The following RNF150 variants were observed in gnomAD, a reference collection of about 807,000 sequenced individuals.
The protein encoded by RNF150 is ring finger protein 150.
Under a neutral mutation model 39.3 loss-of-function variants are expected in RNF150, and 24 were observed. That is an observed-to-expected ratio of 0.61 (90% confidence interval 0.44 to 0.86). RNF150 has a LOEUF of 0.86. Among genes scored for constraint, RNF150 ranks in the 40% least tolerant of loss-of-function variants. The pLI is 0.00. For missense variants in RNF150, 502 were observed against 587.8 expected, an observed-to-expected ratio of 0.85 and a Z score of 1.51; for synonymous variants, 255 against 227.3, an observed-to-expected ratio of 1.12 and a Z score of -1.10.
chr4:141,083,598 A>G lies in RNF150; in HGVS notation c.484+48727T>C, dbSNP rs143404224. Among the ~76,000 whole-genome samples, 191 of 152,170 alleles carry G rather than the reference A, an allele frequency of 1.3e-3. 2 individuals carry two copies. The East Asian group carries it at 0.018, about 14-fold the overall frequency. ...CGTGAGTGTGAAGGGCAAAATGAGG[A>G]CCCTGATCAGTAGGAAACTGATGTC... On this transcript the variant is annotated intron_variant, in intron 1 of 6. Coordinates refer to ENST00000515673, the MANE Select transcript of RNF150 (RefSeq NM_020724.2).
chr4:140,969,226 G>A (rs1399326262), intron 1 of RNF150, among the ~76,000 whole-genome samples: 1 of 152,056 alleles, frequency 6.6e-6, no homozygotes, highest in Non-Finnish European at 1.5e-5. Context: ...GTTTCACTTA[G>A]GCTGAACAAC....
rs180777892 is a variant in RNF150 at position 140,975,570 on chromosome 4, G to T, written c.485-7697C>A. On this transcript the variant is annotated intron_variant, in intron 1 of 6. Transcript: ENST00000515673. Reference sequence around the variant, plus strand: ...TTTTTAAACCATTCTTTCTCAGGTGGTATCTACTCATTTGGTACTATCTTT... The same window carrying T: ...TTTTTAAACCATTCTTTCTCAGGTGTTATCTACTCATTTGGTACTATCTTT... 1.4e-4 allele frequency among the ~76,000 whole-genome samples: 21 copies of T among 152,144 alleles called. No individual in the cohort carries two copies. In the East Asian group the frequency reaches 3.9e-3, roughly 28 times the overall value.
intron 1 of RNF150, among the ~76,000 whole-genome samples, chr4:141,025,265 C>T (rs1216141852): frequency 6.6e-6 from 1 of 151,896 alleles, no homozygotes; most frequent in African/African-American, 2.4e-5. Context: ...CCAAATTGTA[C>T]CTGAAATGAT....
At chr4:141,044,328 A>G (rs1017402334) in intron 1 of RNF150, among the ~76,000 whole-genome samples, 3 of 152,228 alleles carry the variant, frequency 2.0e-5, no homozygotes, top group Non-Finnish European at 4.4e-5. Flanking sequence ...AACTGAGTTC[A>G]GTGGTACTTC....
At chr4:141,055,374 G>A (rs1736928074) in intron 1 of RNF150, among the ~76,000 whole-genome samples, 1 of 152,106 alleles carries the variant, frequency 6.6e-6, no homozygotes, top group Admixed American at 6.6e-5. Flanking sequence ...AGAGCAAAGT[G>A]ATAAAATGAT....
Position 140,884,598 on chromosome 4 carries a change from C to T in RNF150, c.1199-16219G>A, listed in dbSNP as rs906151084. On this transcript the variant is annotated intron_variant, in intron 6 of 6. Coordinates refer to ENST00000515673, the MANE Select transcript of RNF150 (RefSeq NM_020724.2). ...CAGTGTCTGCATCACTGAAGCCTTT[C>T]TGGTGCTTTGTAGCAAGCTGTGGTA... Among the ~76,000 whole-genome samples the T allele has an allele frequency of 4.6e-5, 7 of 152,298 alleles. No individual in the cohort carries two copies. The East Asian group carries it at 1.2e-3, about 25-fold the overall frequency.
intron 2 of RNF150, 101 bp from the exon 3 acceptor site, chr4:140,949,473 G>T: frequency 1.0e-6 from 1 of 959,076 alleles, no homozygotes; most frequent in Non-Finnish European, 1.6e-6. Context: ...CTGAAATCAT[G>T]CACATGTGGT....
At chr4:140,875,874 A>G (rs961942729) in intron 6 of RNF150, among the ~76,000 whole-genome samples, 3 of 152,154 alleles carry the variant, frequency 2.0e-5, no homozygotes, top group Non-Finnish European at 4.4e-5. Context: ...TCCTTCCCTG[A>G]ATGAGGTTTA....
At chr4:141,073,640 A>G (rs1275995203) in intron 1 of RNF150, among the ~76,000 whole-genome samples, 8 of 142,988 alleles carry the variant, frequency 5.6e-5, no homozygotes, top group Admixed American at 2.2e-4. Flanking sequence ...TAAGGTGGCC[A>G]GCAATTAATA....
At chr4:141,145,372 G>A (rs540518141) in intron 1 of RNF150, among the ~76,000 whole-genome samples, 1 of 152,250 alleles carries the variant, frequency 6.6e-6, no homozygotes, top group East Asian at 1.9e-4. Context: ...GCAAACTGTG[G>A]AATATTATGA....
At chr4:140,870,657 C>T (rs1302457329) in intron 6 of RNF150, among the ~76,000 whole-genome samples, 2 of 152,104 alleles carry the variant, frequency 1.3e-5, no homozygotes, top group Non-Finnish European at 2.9e-5. Flanking sequence ...CAGCACCACT[C>T]CACAGCACAG....
At chr4:141,183,605 T>C (rs1727949195) in intron 1 of RNF150, among the ~76,000 whole-genome samples, 1 of 152,180 alleles carries the variant, frequency 6.6e-6, no homozygotes, top group East Asian at 1.9e-4. Flanking sequence ...GTTATATATG[T>C]ATACATGTGC....
At chr4:141,159,683 C>T (rs988208154) in intron 1 of RNF150, among the ~76,000 whole-genome samples, 1 of 152,140 alleles carries the variant, frequency 6.6e-6, no homozygotes, top group Non-Finnish European at 1.5e-5. Context: ...GCTGGGACTA[C>T]AGCTGTATGT....
chr4:141,124,401 GAT>G (rs1368922893), intron 1 of RNF150, among the ~76,000 whole-genome samples: 2 of 152,288 alleles, frequency 1.3e-5, no homozygotes, highest in Admixed American at 6.5e-5. Flanking sequence ...GTGCCTTCCT[GAT>G]AAGATCACAT....
chr4:140,978,723 T>C (rs1296732063), intron 1 of RNF150, among the ~76,000 whole-genome samples: 2 of 152,128 alleles, frequency 1.3e-5, no homozygotes, highest in African/African-American at 4.8e-5. Context: ...GAATAAGGCA[T>C]TGTATTTAGA....
intron 6 of RNF150, among the ~76,000 whole-genome samples, chr4:140,882,584 A>G (rs4956336): frequency 0.98 from 149,727 of 152,280 alleles, 73,660 homozygotes; most frequent in East Asian, 1. Flanking sequence ...GTACATGTTT[A>G]CTTCATATAT....
chr4:141,053,880 T>G, intron 1 of RNF150: 1 of 411,442 alleles, frequency 2.4e-6, no homozygotes, highest in Non-Finnish European at 4.2e-6. Context: ...TGAAAATCTC[T>G]CACCAGGGAG....
intron 1 of RNF150, among the ~76,000 whole-genome samples, chr4:140,978,136 C>T (rs1733730580): frequency 6.6e-6 from 1 of 152,152 alleles, no homozygotes; most frequent in Non-Finnish European, 1.5e-5. Context: ...AACCAACTGA[C>T]TTGATTTCTC....
At chr4:140,934,616 A>G (rs1731767368) in intron 4 of RNF150, among the ~76,000 whole-genome samples, 1 of 152,102 alleles carries the variant, frequency 6.6e-6, no homozygotes, top group Non-Finnish European at 1.5e-5. Flanking sequence ...AACTTGGCTA[A>G]ATTTGATTTA....
Sources: allele counts gnomAD v4.1 joint callset (sites outside exome capture counted in the v4.1 genomes callset), GRCh38; gene constraint gnomAD v4.1.1; transcripts MANE v1.5; gene names NCBI Gene and HGNC (gene_info 2026-07-23, HGNC 2026-07-21).